Variants in THUMPD2 observed in about 807,000 individuals in gnomAD.
THUMPD2 encodes U6 snRNA (guanine-N(2))-methyltransferase THUMPD2.
THUMPD2 carries 56 observed loss-of-function variants against 49.4 expected under a neutral mutation model. That is an observed-to-expected ratio of 1.13 (90% confidence interval 0.91 to 1.41). The LOEUF is 1.41. Ranked by LOEUF, THUMPD2 falls within the 40% of genes most tolerant of loss-of-function variation. The pLI is 0.00. For synonymous variants in THUMPD2, 237 were observed against 205.2 expected (o/e 1.15, Z -1.32); for missense variants, 709 against 594.5 (o/e 1.19, Z -2.00).
chr2:39,744,920 G>C (rs918861251), intron 8 of THUMPD2, among the ~76,000 whole-genome samples: 4 of 152,274 alleles, frequency 2.6e-5, no homozygotes, highest in African/African-American at 9.6e-5. Flanking sequence ...ATTTTTAAAA[G>C]AGAATTTGGA....
Position 39,737,013 on chromosome 2 carries a change from G to A in THUMPD2, c.1234C>T (p.His412Tyr). Reference sequence around the variant, plus strand: ...TTACAATCTGTAAGGCGCCTGTGGTGATCTTCACTAAGCAACAATACAATG... The same window carrying A: ...TTACAATCTGTAAGGCGCCTGTGGTAATCTTCACTAAGCAACAATACAATG... ...GTIVLLLSED[H>Y]HRRLTDCKES... The change falls in exon 10 of 10, where the codon CAC becomes TAC. Residue 412 changes from histidine to tyrosine, a missense_variant. Coordinates refer to ENST00000505747, the MANE Select transcript of THUMPD2 (RefSeq NM_025264.5). 1.2e-6 allele frequency: 2 copies of A among 1,613,802 alleles called. No homozygotes were observed. The highest frequency in any genetic ancestry group is 3.3e-5 in the Admixed American group (2 of 59,964).
intron 8 of THUMPD2, 95 bp from the exon 9 acceptor site, chr2:39,744,573 G>GT (rs1487744867): frequency 9.1e-6 from 7 of 767,042 alleles, no homozygotes; most frequent in African/African-American, 5.6e-5. Flanking sequence ...TTATTTTTGC[G>GT]TAACAGATTA....
intron 5 of THUMPD2, among the ~76,000 whole-genome samples, chr2:39,765,361 T>A (rs532405635): frequency 6.6e-6 from 1 of 152,124 alleles, no homozygotes; most frequent in African/African-American, 2.4e-5. Flanking sequence ...GACTTCACCA[T>A]GTTGGTCAGG....
chr2:39,763,248 C>G (rs1677065353), intron 5 of THUMPD2, among the ~76,000 whole-genome samples: 1 of 151,644 alleles, frequency 6.6e-6, no homozygotes, highest in Non-Finnish European at 1.5e-5. Flanking sequence ...GACTTGTTAC[C>G]TGAACCCCAG....
At chr2:39,765,952 C>T (rs1483144794) in intron 5 of THUMPD2, 105 bp downstream of exon 5, 16 of 882,410 alleles carry the variant, frequency 1.8e-5, no homozygotes, top group Non-Finnish European at 2.8e-5. Context: ...TTGCCTTTAG[C>T]CTTCTCTGTT....
chr2:39,757,456 T>G (rs756534968), intron 6 of THUMPD2: 2 of 1,282,418 alleles, frequency 1.6e-6, no homozygotes, highest in African/African-American at 3.1e-5. Flanking sequence ...AAATCCCCCA[T>G]GAAGGGGCAG....
Position 39,771,530 on chromosome 2 carries a change from T to G in THUMPD2, c.237A>C (p.Pro79=). 1 of 1,605,220 alleles carries G rather than the reference T, an allele frequency of 6.2e-7. No homozygotes were observed. Among genetic ancestry groups the G allele is most frequent in the Non-Finnish European group, 8.5e-7 (1 of 1,177,612 alleles). ...RLFLLIKKQF[P]LIISSVSKGK... Reference sequence around the variant, plus strand: ...CTTTACTTACAGAAGAAATAATAAGTGGAAACTGCTTTTTAATCAGCAAAA... The same window carrying G: ...CTTTACTTACAGAAGAAATAATAAGGGGAAACTGCTTTTTAATCAGCAAAA... Residue 79 remains proline, a synonymous_variant, in exon 2 of 10, where the codon CCA becomes CCC. Transcript: ENST00000505747.
chr2:39,758,845 C>T (rs1014779012), intron 6 of THUMPD2, among the ~76,000 whole-genome samples: 7 of 149,146 alleles, frequency 4.7e-5, no homozygotes, highest in Non-Finnish European at 1.0e-4. Flanking sequence ...GCAGAATAAT[C>T]GGAACACACA....
At chr2:39,739,380 A>C (rs1193847019) in intron 9 of THUMPD2, among the ~76,000 whole-genome samples, 1 of 152,106 alleles carries the variant, frequency 6.6e-6, no homozygotes. Flanking sequence ...TTTATCACTC[A>C]TTCTTATCAC....
intron 8 of THUMPD2, among the ~76,000 whole-genome samples, chr2:39,749,424 C>A (rs1675083972): frequency 6.6e-6 from 1 of 152,132 alleles, no homozygotes; most frequent in Non-Finnish European, 1.5e-5. Flanking sequence ...CTTCATTTTG[C>A]TTAGGTGCAT....
intron 5 of THUMPD2, among the ~76,000 whole-genome samples, chr2:39,765,413 G>A (rs1031198685): frequency 9.9e-5 from 15 of 151,810 alleles, no homozygotes; most frequent in East Asian, 3.9e-4. Flanking sequence ...CTGCCTCGGC[G>A]TCCCAAAGTG....
At chr2:39,743,346 C>T (rs530438226) in intron 9 of THUMPD2, among the ~76,000 whole-genome samples, 4 of 152,306 alleles carry the variant, frequency 2.6e-5, no homozygotes, top group African/African-American at 9.6e-5. Flanking sequence ...ATATCCATGA[C>T]TCATTGTTTC....
At chr2:39,751,715 C>A (rs1284775607) in intron 8 of THUMPD2, among the ~76,000 whole-genome samples, 1 of 129,938 alleles carries the variant, frequency 7.7e-6, no homozygotes, top group Non-Finnish European at 1.5e-5. Context: ...GACGGAGTCT[C>A]GCCATGTCAC....
chr2:39,737,600 A>C (rs1673272041), intron 9 of THUMPD2, among the ~76,000 whole-genome samples: 1 of 152,190 alleles, frequency 6.6e-6, no homozygotes, highest in African/African-American at 2.4e-5. Flanking sequence ...TTGCCAAGAG[A>C]TCACTGAACA....
At chr2:39,778,490 C>G (rs1346224020) in intron 1 of THUMPD2, among the ~76,000 whole-genome samples, 1 of 152,178 alleles carries the variant, frequency 6.6e-6, no homozygotes, top group African/African-American at 2.4e-5. Context: ...ATCAAGATAC[C>G]TTTTCTATTA....
At position 39,753,528 on chromosome 2, in the gene THUMPD2, C is replaced by T. The variant is rs185674316; in HGVS notation, c.1078+1767G>A. 3.3e-5 allele frequency among the ~76,000 whole-genome samples: 5 copies of T among 152,280 alleles called. No individual in the cohort carries two copies. The South Asian group carries it at 8.3e-4, about 25-fold the overall frequency. ...TTCTCTATACTGGTGATCCCCTAAACTCCAGATTTGTATACTGAGGTACTA... is the reference window on the plus strand; with the variant it reads ...TTCTCTATACTGGTGATCCCCTAAATTCCAGATTTGTATACTGAGGTACTA... On this transcript the variant is annotated intron_variant, in intron 8 of 9. Coordinates refer to ENST00000505747, the MANE Select transcript of THUMPD2 (RefSeq NM_025264.5).
intron 8 of THUMPD2, among the ~76,000 whole-genome samples, chr2:39,754,257 T>A (rs1053105073): frequency 1.6e-4 from 24 of 152,320 alleles, no homozygotes; most frequent in African/African-American, 2.4e-4. Context: ...ACCCCTTAGT[T>A]TGCTCTACAA....
At chr2:39,746,472 G>C (rs1027939091) in intron 8 of THUMPD2, among the ~76,000 whole-genome samples, 1 of 152,156 alleles carries the variant, frequency 6.6e-6, no homozygotes, top group Admixed American at 6.5e-5. Flanking sequence ...TGACCGATAC[G>C]ATTCAACATA....
At chr2:39,761,560 C>T in intron 5 of THUMPD2, 142 bp from the exon 6 acceptor site, 1 of 773,406 alleles carries the variant, frequency 1.3e-6, no homozygotes, top group Non-Finnish European at 2.0e-6. Context: ...GACAATGTTT[C>T]AGTCTTATTA....
Sources: allele counts gnomAD v4.1 joint callset (sites outside exome capture counted in the v4.1 genomes callset), GRCh38; gene constraint gnomAD v4.1.1; transcripts MANE v1.5; gene names NCBI Gene and HGNC (gene_info 2026-07-23, HGNC 2026-07-21).